LIPC: variants seen among roughly 807,000 people sequenced by gnomAD.
LIPC encodes hepatic triacylglycerol lipase.
A neutral mutation model predicts 50.7 loss-of-function variants in LIPC; 44 were observed. That is an observed-to-expected ratio of 0.87 (90% CI 0.68 to 1.11). LIPC has a LOEUF of 1.11. Among genes scored for constraint, LIPC ranks in the 50% most tolerant of loss-of-function variants. LIPC has a pLI of 0.00. For missense variants in LIPC, 697 were observed against 648.2 expected (o/e 1.08, Z -0.82); for synonymous variants, 271 against 256.4 (o/e 1.06, Z -0.54).
chr15:58,507,626 A>G (rs1276715180), intron 1 of LIPC, among the ~76,000 whole-genome samples: 1 of 152,240 alleles, frequency 6.6e-6, no homozygotes, highest in East Asian at 1.9e-4. Context: ...AGCTTGTACA[A>G]TTCTGGAATA....
rs1433466346 is a variant in LIPC, at chr15:58,567,106, G to A, written c.1389-1610G>A. ...AATCCCAGCTACTCGGGAGGCTGAG[G>A]CAAAGGAATCGCTTGAACCCAGGAG... On this transcript the variant is annotated intron_variant, in intron 8 of 8. Coordinates refer to ENST00000299022, the MANE Select transcript of LIPC (RefSeq NM_000236.3). Among the ~76,000 whole-genome samples the A allele has an allele frequency of 2.7e-5, 4 of 150,532 alleles. No individual in the cohort carries two copies. The South Asian group carries it at 6.3e-4, about 24-fold the overall frequency.
At chr15:58,462,225 G>A (rs530100424) in intron 1 of LIPC, among the ~76,000 whole-genome samples, 4 of 152,334 alleles carry the variant, frequency 2.6e-5, no homozygotes, top group South Asian at 2.1e-4. Context: ...GCAGAGAGAG[G>A]CTGGGCCTTA....
At chr15:58,466,349 G>A (rs12595191) in intron 1 of LIPC, among the ~76,000 whole-genome samples, 18,202 of 152,230 alleles carry the variant, frequency 0.12, 1,266 homozygotes, top group Non-Finnish European at 0.17. Flanking sequence ...TTTGTCAGGT[G>A]TCTTAGTTTC....
chr15:58,534,204 G>C (rs1893045019), intron 1 of LIPC, among the ~76,000 whole-genome samples: 1 of 152,192 alleles, frequency 6.6e-6, no homozygotes, highest in South Asian at 2.1e-4. Flanking sequence ...TGCCCAAAGA[G>C]TACCCAGGCA....
At chr15:58,517,037 G>T (rs1435031210) in intron 1 of LIPC, among the ~76,000 whole-genome samples, 1 of 152,214 alleles carries the variant, frequency 6.6e-6, no homozygotes, top group Non-Finnish European at 1.5e-5. Context: ...TGTTAGATGG[G>T]ACCAGAACAG....
chr15:58,509,963 A>AAAAAAGAG (rs1359244542), intron 1 of LIPC, among the ~76,000 whole-genome samples: 3 of 150,950 alleles, frequency 2.0e-5, no homozygotes, highest in African/African-American at 7.4e-5. Context: ...AATCATTAAA[A>AAAAAAGAG]AAAAAAAGAG....
At chr15:58,562,330 G>A (rs1292922107) in intron 7 of LIPC, among the ~76,000 whole-genome samples, 1 of 152,240 alleles carries the variant, frequency 6.6e-6, no homozygotes, top group South Asian at 2.1e-4. Flanking sequence ...GCAGAGGCAG[G>A]TGGTGAGGGG....
At chr15:58,531,085 A>G (rs1186699299) in intron 1 of LIPC, among the ~76,000 whole-genome samples, 1 of 152,224 alleles carries the variant, frequency 6.6e-6, no homozygotes, top group Non-Finnish European at 1.5e-5. Flanking sequence ...ACGGTTTTCC[A>G]AAGAAAGTAT....
rs114027234 is a variant in LIPC, at chr15:58,440,018, C to T, written c.88+7898C>T. Among the ~76,000 whole-genome samples the T allele has an allele frequency of 1.9e-3, 285 of 152,336 alleles. 6 individuals carry two copies. The highest frequency in any genetic ancestry group is 6.4e-3 in the African/African-American group (266 of 41,570). ...CTAGGGTTGAAGGGGTGAGAATCAACATCCACTGCTCCTGGATACTGACTT... is the reference window on the plus strand; with the variant it reads ...CTAGGGTTGAAGGGGTGAGAATCAATATCCACTGCTCCTGGATACTGACTT... On this transcript the variant is annotated intron_variant, in intron 1 of 8. Transcript: ENST00000299022.
intron 1 of LIPC, among the ~76,000 whole-genome samples, chr15:58,445,650 G>A (rs1294435964): frequency 6.6e-6 from 1 of 152,190 alleles, no homozygotes; most frequent in African/African-American, 2.4e-5. Context: ...GGTGAGAAAA[G>A]AGACCCAGAT....
intron 1 of LIPC, among the ~76,000 whole-genome samples, chr15:58,531,973 T>C (rs891406797): frequency 1.6e-4 from 24 of 152,198 alleles, no homozygotes; most frequent in African/African-American, 5.6e-4. Flanking sequence ...GAGTGAATTA[T>C]ACCTTGGGTA....
chr15:58,471,332 G>GGGT (rs1555399306), intron 1 of LIPC, among the ~76,000 whole-genome samples: 17 of 138,824 alleles, frequency 1.2e-4, no homozygotes, highest in East Asian at 2.1e-4. Context: ...TAGAGATGGG[G>GGGT]GGGGGTGGTC....
At chr15:58,501,347 CTTTT>C (rs11453466) in intron 1 of LIPC, among the ~76,000 whole-genome samples, 6 of 134,852 alleles carry the variant, frequency 4.4e-5, no homozygotes, top group Admixed American at 7.4e-5. Flanking sequence ...GCCTCTCATA[CTTTT>C]TTTTTTTTTT....
intron 1 of LIPC, among the ~76,000 whole-genome samples, chr15:58,465,518 G>T (rs1303279599): frequency 4.6e-5 from 7 of 152,212 alleles, no homozygotes; most frequent in Admixed American, 4.6e-4. Context: ...GACATGTAGG[G>T]CTGGGCTGGG....
chr15:58,564,940 C>A (rs1041752024), intron 8 of LIPC, among the ~76,000 whole-genome samples: 7 of 152,170 alleles, frequency 4.6e-5, no homozygotes, highest in Admixed American at 4.6e-4. Flanking sequence ...CCTCTCCCAC[C>A]TTCACTTGTC....
chr15:58,542,673 C>A, intron 4 of LIPC, 22 bp downstream of exon 4: 1 of 1,487,836 alleles, frequency 6.7e-7, no homozygotes, highest in Non-Finnish European at 9.4e-7. Context: ...TAATAACTCA[C>A]ACACTGATCT....
chr15:58,536,415 C>CT (rs1893123827), intron 1 of LIPC, among the ~76,000 whole-genome samples: 1 of 152,126 alleles, frequency 6.6e-6, no homozygotes, highest in African/African-American at 2.4e-5. Flanking sequence ...CTTTGAGCAG[C>CT]TGTGTGCAGG....
chr15:58,466,356 T>C (rs150313165), intron 1 of LIPC, among the ~76,000 whole-genome samples: 1 of 152,198 alleles, frequency 6.6e-6, no homozygotes, highest in Non-Finnish European at 1.5e-5. Context: ...GGTGTCTTAG[T>C]TTCGTGAAAG....
intron 8 of LIPC, chr15:58,565,102 C>G: frequency 8.2e-7 from 1 of 1,214,340 alleles, no homozygotes; most frequent in Non-Finnish European, 1.2e-6. Context: ...TTTATACAAC[C>G]GCACTCTGAG....
Sources: allele counts gnomAD v4.1 joint callset (sites outside exome capture counted in the v4.1 genomes callset), GRCh38; gene constraint gnomAD v4.1.1; transcripts MANE v1.5; gene names NCBI Gene and HGNC (gene_info 2026-07-23, HGNC 2026-07-21).